The following FSTL5 variants were observed in gnomAD, a reference collection of about 807,000 sequenced individuals.
The protein encoded by FSTL5 is follistatin like 5, also known as follistatin-related protein 5.
Under a neutral mutation model 89.1 loss-of-function variants are expected in FSTL5, and 62 were observed. The ratio of observed to expected loss-of-function variants is 0.70; its 90% CI spans 0.57 to 0.86. The LOEUF is 0.86. Among genes scored for constraint, FSTL5 ranks in the 40% least tolerant of loss-of-function variants. FSTL5 has a pLI of 0.00. For synonymous variants in FSTL5, 383 were observed against 346.2 expected (o/e 1.11, Z -1.18); for missense variants, 1,057 against 1,001.6 (o/e 1.06, Z -0.75).
At chr4:161,527,158 G>A (rs1326130339) in intron 10 of FSTL5, among the ~76,000 whole-genome samples, 9 of 151,962 alleles carry the variant, frequency 5.9e-5, no homozygotes, top group South Asian at 2.1e-4. Flanking sequence ...GGTCCTTCAC[G>A]TCCCTTGTAA....
chr4:161,679,190 G>T (rs965557443), intron 6 of FSTL5, among the ~76,000 whole-genome samples: 1 of 151,410 alleles, frequency 6.6e-6, no homozygotes, highest in African/African-American at 2.4e-5. Context: ...ACTTAAAGAA[G>T]AAGAAATAAA....
intron 1 of FSTL5, among the ~76,000 whole-genome samples, chr4:162,144,560 C>T (rs1414853353): frequency 6.6e-6 from 1 of 152,000 alleles, no homozygotes; most frequent in African/African-American, 2.4e-5. Context: ...TTTAAACAGC[C>T]TTGTCAGGTC....
chr4:162,017,386 T>C (rs992598079), intron 3 of FSTL5, among the ~76,000 whole-genome samples: 1 of 152,214 alleles, frequency 6.6e-6, no homozygotes, highest in African/African-American at 2.4e-5. Flanking sequence ...TGTTCTCTGA[T>C]AAACTGATTC....
intron 15 of FSTL5, among the ~76,000 whole-genome samples, chr4:161,433,033 T>C (rs1251360604): frequency 6.6e-6 from 1 of 151,952 alleles, no homozygotes; most frequent in Non-Finnish European, 1.5e-5. Context: ...ACTCAAACTT[T>C]TCCAATCAAT....
chr4:161,610,766 T>C (rs1048052416), intron 7 of FSTL5, among the ~76,000 whole-genome samples: 2 of 127,500 alleles, frequency 1.6e-5, no homozygotes, highest in African/African-American at 6.1e-5. Flanking sequence ...CATACTTAAA[T>C]AGATTTCCTC....
At chr4:161,408,852 T>C (rs561067549) in intron 15 of FSTL5, among the ~76,000 whole-genome samples, 11 of 152,220 alleles carry the variant, frequency 7.2e-5, no homozygotes, top group African/African-American at 2.6e-4. Flanking sequence ...TCAAATCAAC[T>C]TGGTCAGACA....
chr4:161,605,813 T>C (rs181639972), intron 7 of FSTL5, among the ~76,000 whole-genome samples: 28 of 152,358 alleles, frequency 1.8e-4, no homozygotes, highest in Admixed American at 1.8e-3. Context: ...ATGGTCTTAA[T>C]TGCTTTTCTA....
chr4:161,652,999 A>G (rs1460836246), intron 7 of FSTL5, among the ~76,000 whole-genome samples: 1 of 152,164 alleles, frequency 6.6e-6, no homozygotes, highest in Non-Finnish European at 1.5e-5. Flanking sequence ...CACATCAGAA[A>G]TCCATATCTA....
At chr4:162,038,177 C>G (rs1036746748) in intron 2 of FSTL5, among the ~76,000 whole-genome samples, 2 of 151,772 alleles carry the variant, frequency 1.3e-5, no homozygotes, top group African/African-American at 4.8e-5. Context: ...GTGAACTTGA[C>G]TTAAAATAAG....
At chr4:161,891,263 G>C in intron 4 of FSTL5, among the ~76,000 whole-genome samples, 1 of 151,998 alleles carries the variant, frequency 6.6e-6, no homozygotes, top group East Asian at 1.9e-4. Context: ...GAGGAAATTT[G>C]CTCCTTATTT....
At chr4:161,761,287 T>C (rs1279509319) in intron 5 of FSTL5, among the ~76,000 whole-genome samples, 1 of 152,218 alleles carries the variant, frequency 6.6e-6, no homozygotes, top group Non-Finnish European at 1.5e-5. Flanking sequence ...TTTTTCTATT[T>C]AGAAAGCAAC....
At chr4:161,714,507 T>C (rs1386422706) in intron 6 of FSTL5, among the ~76,000 whole-genome samples, 1 of 152,188 alleles carries the variant, frequency 6.6e-6, no homozygotes, top group Non-Finnish European at 1.5e-5. Flanking sequence ...CCTAATCCTT[T>C]AACAAATCTA....
At chr4:161,902,962 G>C (rs1733414062) in intron 4 of FSTL5, among the ~76,000 whole-genome samples, 1 of 152,094 alleles carries the variant, frequency 6.6e-6, no homozygotes, top group African/African-American at 2.4e-5. Flanking sequence ...CCAATATTAA[G>C]ATTTTCATAA....
At chr4:161,558,227 C>G (rs1732460745) in intron 8 of FSTL5, among the ~76,000 whole-genome samples, 1 of 151,752 alleles carries the variant, frequency 6.6e-6, no homozygotes, top group African/African-American at 2.4e-5. Flanking sequence ...TAGTGGCTGT[C>G]AGCAGTTAAT....
At chr4:161,494,236 A>G (rs1205894326) in intron 12 of FSTL5, among the ~76,000 whole-genome samples, 2 of 152,160 alleles carry the variant, frequency 1.3e-5, no homozygotes, top group Non-Finnish European at 2.9e-5. Context: ...ATGTTTGAAA[A>G]GAGACACCCT....
At chr4:161,493,631 A>G (rs1297720053) in intron 12 of FSTL5, among the ~76,000 whole-genome samples, 1 of 151,516 alleles carries the variant, frequency 6.6e-6, no homozygotes, top group African/African-American at 2.4e-5. Flanking sequence ...ATTTGTATCA[A>G]TATTTTTTTC....
At chr4:162,053,745 C>T (rs1453257953) in intron 2 of FSTL5, among the ~76,000 whole-genome samples, 6 of 151,616 alleles carry the variant, frequency 4.0e-5, no homozygotes, top group African/African-American at 7.3e-5. Flanking sequence ...ATACATATAA[C>T]ATCAAATCCA....
At chr4:161,840,250 G>A (rs1199769198) in intron 4 of FSTL5, among the ~76,000 whole-genome samples, 1 of 152,058 alleles carries the variant, frequency 6.6e-6, no homozygotes, top group East Asian at 1.9e-4. Context: ...TGACTGGGAA[G>A]TAAAGAGTGA....
rs201057312 is a variant in FSTL5 at position 161,975,754 on chromosome 4, AAAAATAAAATAAAATAAAAT to A, written c.161-55122_161-55103del. 3.4e-3 allele frequency among the ~76,000 whole-genome samples: 460 copies of A among 134,942 alleles called. 2 individuals are homozygous for A. The highest frequency in any genetic ancestry group is 0.018 in the South Asian group (78 of 4,220). The allele number at this position is 134,942 out of a possible 152,430, so 88.5% of individuals were successfully genotyped here. On this transcript the variant is annotated intron_variant, in intron 3 of 15. Coordinates refer to ENST00000306100, the MANE Select transcript of FSTL5 (RefSeq NM_020116.5). ...TGTACCCTAAAACTTAAAGTATAAT[AAAAATAAAATAAAATAAAAT>A]AAAATAAAATAAAATAAAATAAAAT... is the stretch of plus-strand genomic sequence containing the variant.
Sources: gnomAD v4.1 joint callset for allele counts (sites outside exome capture counted in the v4.1 genomes callset) on GRCh38, gnomAD v4.1.1 for gene constraint, MANE v1.5 for transcripts, NCBI Gene and HGNC (gene_info 2026-07-23, HGNC 2026-07-21) for gene names.